Variants in FAAH2 observed in about 807,000 individuals in gnomAD.
FAAH2 encodes fatty-acid amide hydrolase 2.
Under a neutral mutation model 36.9 loss-of-function variants are expected in FAAH2, and 60 were observed. That is an observed-to-expected ratio of 1.63 (90% CI 1.32 to 2.02). The LOEUF (loss-of-function observed/expected upper bound fraction) is 2.02. Among genes scored for constraint, FAAH2 ranks in the 30% most tolerant of loss-of-function variants. The pLI, the probability that FAAH2 is intolerant of heterozygous loss-of-function variation, is 0.00. For synonymous variants in FAAH2, 214 were observed against 143.8 expected, an observed-to-expected ratio of 1.49 and a Z score of -3.49; for missense variants, 689 against 397.5, an observed-to-expected ratio of 1.73 and a Z score of -6.23.
At chrX:57,207,748 T>A in the FAAH2 span, among the ~76,000 whole-genome samples, 13 of 112,551 alleles carry the variant, frequency 1.2e-4, no homozygotes, top group Non-Finnish European at 2.3e-4. Context: ...CTAGAAGTAA[T>A]CCTATCATCC....
chrX:57,286,999 G>A lies in FAAH2; in HGVS notation c.174G>A (p.Lys58=). The A allele has an allele frequency of 8.4e-7, 1 of 1,192,823 alleles. No homozygotes were observed. Among genetic ancestry groups the A allele is most frequent in the East Asian group, 3.0e-5 (1 of 33,148 alleles). The change falls in exon 1 of 11, where the codon AAG becomes AAA. Residue 58 remains lysine, a synonymous_variant. Coordinates refer to ENST00000374900, the MANE Select transcript of FAAH2 (RefSeq NM_174912.4). The part of the protein sequence containing the change: ...LLLLSGMQLA[K]LIRQRKVKCI... Reference sequence around the variant, plus strand: ...TGCTTTCGGGGATGCAGCTGGCCAAGCTGATCCGACAGAGAAAGGTGAGAA... The same window carrying A: ...TGCTTTCGGGGATGCAGCTGGCCAAACTGATCCGACAGAGAAAGGTGAGAA...
intron 5 of FAAH2, among the ~76,000 whole-genome samples, chrX:57,365,776 G>C (rs968468272): frequency 9.0e-6 from 1 of 111,507 alleles, no homozygotes; most frequent in Non-Finnish European, 1.9e-5. Flanking sequence ...CACCATTGTC[G>C]TCCTATGTTG....
intron 7 of FAAH2, among the ~76,000 whole-genome samples, chrX:57,425,735 C>A (rs754348086): frequency 9.0e-6 from 1 of 111,098 alleles, no homozygotes; most frequent in East Asian, 2.8e-4. Flanking sequence ...ATAAAAAAGT[C>A]AATACTCTCC....
the FAAH2 span, among the ~76,000 whole-genome samples, chrX:57,160,422 C>G: frequency 2.7e-5 from 3 of 111,943 alleles, no homozygotes; most frequent in Admixed American, 9.5e-5. Flanking sequence ...ATGGTATCAG[C>G]TCCTCCTTGA....
chrX:57,266,081 C>T, the FAAH2 span, among the ~76,000 whole-genome samples: 1 of 111,783 alleles, frequency 8.9e-6, no homozygotes, highest in African/African-American at 3.3e-5. Context: ...GATGTGGACT[C>T]ACAATACAGC....
Position 57,440,440 on chromosome X carries a change from C to T in FAAH2, c.1117-6488C>T, listed in dbSNP as rs187453863. Among the ~76,000 whole-genome samples the T allele has an allele frequency of 5.8e-3, 646 of 111,067 alleles. 1 individual carries two copies. Among genetic ancestry groups the T allele is most frequent in the African/African-American group, 0.02 (626 of 30,569 alleles). ...TGTATAGGAATGCTTGTGATTTTTGCGCATTGATTTTGTATCCTGAGACTT... is the reference window on the plus strand; with the variant it reads ...TGTATAGGAATGCTTGTGATTTTTGTGCATTGATTTTGTATCCTGAGACTT... On this transcript the variant is annotated intron_variant, in intron 8 of 10. Transcript: ENST00000374900.
chrX:57,350,145 C>A (rs1027462832), intron 5 of FAAH2, among the ~76,000 whole-genome samples: 5 of 111,139 alleles, frequency 4.5e-5, no homozygotes, highest in African/African-American at 1.6e-4. Flanking sequence ...ACGGTGAATA[C>A]TATATTCAGC....
chrX:57,425,095 C>T (rs1286849690), intron 7 of FAAH2, among the ~76,000 whole-genome samples: 1 of 110,415 alleles, frequency 9.1e-6, no homozygotes, highest in African/African-American at 3.3e-5. Flanking sequence ...CAATTAAAAC[C>T]TTCAACAGTA....
chrX:57,375,353 CTT>C (rs202228022), intron 5 of FAAH2, among the ~76,000 whole-genome samples: 82 of 65,233 alleles, frequency 1.3e-3, no homozygotes, highest in African/African-American at 4.8e-3. Context: ...TGGTACTGCA[CTT>C]TTTTTTTTTT....
At chrX:57,221,382 C>T in the FAAH2 span, among the ~76,000 whole-genome samples, 1 of 111,131 alleles carries the variant, frequency 9.0e-6, no homozygotes, top group Non-Finnish European at 1.9e-5. Context: ...AGGATACTTC[C>T]ACACCCTCAG....
chrX:57,407,692 C>G (rs909002024), intron 7 of FAAH2, among the ~76,000 whole-genome samples: 1 of 111,780 alleles, frequency 8.9e-6, no homozygotes, highest in African/African-American at 3.3e-5. Context: ...AGTCAGTCAT[C>G]TAATGGGAAG....
chrX:57,482,940 G>A (rs1165930352), intron 10 of FAAH2, among the ~76,000 whole-genome samples: 1 of 109,525 alleles, frequency 9.1e-6, no homozygotes, highest in Non-Finnish European at 1.9e-5. Context: ...TATCTTTAAT[G>A]TTTTCTTCTT....
Position 57,465,975 on chromosome X carries a change from A to C in FAAH2, c.1423+17257A>C, listed in dbSNP as rs761239342. Among the ~76,000 whole-genome samples, 6 of 109,676 alleles carry C rather than the reference A, an allele frequency of 5.5e-5. No homozygotes were observed. The South Asian group carries it at 2.3e-3, about 43-fold the overall frequency. ...ACCATAACTGAAATCCAAAAATGGA[A>C]TGAAGACTACTGGAAATGGTAAGCA... On this transcript the variant is annotated intron_variant, in intron 10 of 10. Transcript: ENST00000374900.
intron 7 of FAAH2, among the ~76,000 whole-genome samples, chrX:57,381,331 G>A (rs1210630435): frequency 2.7e-5 from 3 of 111,519 alleles, no homozygotes; most frequent in African/African-American, 9.8e-5. Flanking sequence ...ATGCTAATGT[G>A]TAGATGTAAA....
intron 4 of FAAH2, among the ~76,000 whole-genome samples, chrX:57,333,170 G>C (rs2053452986): frequency 9.0e-6 from 1 of 111,653 alleles, no homozygotes; most frequent in East Asian, 2.8e-4. Flanking sequence ...TGTTATTTAA[G>C]AAGTCTCTAG....
chrX:57,463,382 G>C (rs1180782646), intron 10 of FAAH2, among the ~76,000 whole-genome samples: 2 of 111,194 alleles, frequency 1.8e-5, no homozygotes, highest in Non-Finnish European at 3.8e-5. Flanking sequence ...CAAAGCTGGA[G>C]GCATCATGCT....
chrX:57,480,745 A>T (rs976414560), intron 10 of FAAH2, among the ~76,000 whole-genome samples: 5 of 110,702 alleles, frequency 4.5e-5, no homozygotes, highest in South Asian at 3.9e-4. Context: ...GAGTATCTTA[A>T]TGGTGTTTTC....
chrX:57,310,809 G>A, intron 3 of FAAH2, 80 bp downstream of exon 3: 2 of 1,018,561 alleles, frequency 2.0e-6, no homozygotes, highest in Non-Finnish European at 1.3e-6. Flanking sequence ...TAAAAAGGAT[G>A]GTATAAAAGT....
chrX:57,359,449 A>G (rs1398848609), intron 5 of FAAH2, among the ~76,000 whole-genome samples: 3 of 111,518 alleles, frequency 2.7e-5, no homozygotes, highest in Non-Finnish European at 5.7e-5. Flanking sequence ...CCCTTCCGCT[A>G]TTGATTTCTA....
Sources: gnomAD v4.1 joint callset for allele counts (sites outside exome capture counted in the v4.1 genomes callset) on GRCh38, gnomAD v4.1.1 for gene constraint, MANE v1.5 for transcripts, NCBI Gene and HGNC (gene_info 2026-07-23, HGNC 2026-07-21) for gene names.